SH3GL2: variants seen among roughly 807,000 people sequenced by gnomAD.
The protein encoded by SH3GL2 is SH3 domain containing GRB2 like 2, endophilin A1.
Under a neutral mutation model 46.0 loss-of-function variants are expected in SH3GL2, and 24 were observed. The observed-to-expected ratio is 0.52, with a 90% confidence interval of 0.38 to 0.73. The LOEUF is 0.73. SH3GL2 is among the 30% of genes least tolerant of loss of function. The pLI is 0.00. For synonymous variants in SH3GL2, 196 were observed against 147.1 expected (o/e 1.33, Z -2.40); for missense variants, 413 against 424.2 (o/e 0.97, Z 0.23).
chr9:17,585,912 A>G (rs1358775624), intron 1 of SH3GL2, among the ~76,000 whole-genome samples: 1 of 152,184 alleles, frequency 6.6e-6, no homozygotes, highest in Non-Finnish European at 1.5e-5. Context: ...AACCCTTCTC[A>G]GTGTTTTTGG....
At chr9:17,585,364 A>G (rs1022438319) in intron 1 of SH3GL2, among the ~76,000 whole-genome samples, 2 of 152,190 alleles carry the variant, frequency 1.3e-5, no homozygotes, top group African/African-American at 4.8e-5. Flanking sequence ...CTAAGTAGGT[A>G]AGAAGTCAGT....
intron 1 of SH3GL2, among the ~76,000 whole-genome samples, chr9:17,643,877 C>G (rs1186253951): frequency 1.3e-5 from 2 of 152,072 alleles, no homozygotes; most frequent in East Asian, 3.9e-4. Flanking sequence ...CCCTCTTTTT[C>G]TGTTGTTTGG....
At chr9:17,584,922 TGAG>T (rs1818345295) in intron 1 of SH3GL2, among the ~76,000 whole-genome samples, 1 of 152,208 alleles carries the variant, frequency 6.6e-6, no homozygotes. Flanking sequence ...TATTTTAAAT[TGAG>T]TTTATATGAA....
intron 1 of SH3GL2, among the ~76,000 whole-genome samples, chr9:17,730,109 CATTT>C (rs1822133123): frequency 6.6e-6 from 1 of 151,998 alleles, no homozygotes; most frequent in Non-Finnish European, 1.5e-5. Flanking sequence ...AATGTTTTCC[CATTT>C]GTTTGTGTCC....
intron 1 of SH3GL2, among the ~76,000 whole-genome samples, chr9:17,612,608 TTGTGTA>T (rs1208860287): frequency 1.3e-5 from 2 of 152,174 alleles, no homozygotes; most frequent in African/African-American, 4.8e-5. Context: ...TGCATTTCAC[TTGTGTA>T]TGTAATTGTG....
chr9:17,587,298 T>C (rs1180581590), intron 1 of SH3GL2, among the ~76,000 whole-genome samples: 1 of 152,188 alleles, frequency 6.6e-6, no homozygotes, highest in African/African-American at 2.4e-5. Context: ...ACAGTTATTG[T>C]CCATAACAGT....
chr9:17,645,296 A>G (rs1260606760), intron 1 of SH3GL2, among the ~76,000 whole-genome samples: 3 of 151,076 alleles, frequency 2.0e-5, no homozygotes, highest in Non-Finnish European at 4.4e-5. Flanking sequence ...CCTGAATACA[A>G]CACACCGATG....
intron 1 of SH3GL2, among the ~76,000 whole-genome samples, chr9:17,740,926 T>C (rs540279206): frequency 6.6e-6 from 1 of 152,244 alleles, no homozygotes; most frequent in South Asian, 2.1e-4. Context: ...GGCATTTTCT[T>C]TTTCACGCAA....
At chr9:17,783,861 T>A (rs907076649) in intron 3 of SH3GL2, among the ~76,000 whole-genome samples, 1 of 152,098 alleles carries the variant, frequency 6.6e-6, no homozygotes, top group East Asian at 1.9e-4. Flanking sequence ...CACATACAAC[T>A]TGGTAAAGCA....
chr9:17,581,670 A>T (rs1006758044), intron 1 of SH3GL2, among the ~76,000 whole-genome samples: 1 of 152,056 alleles, frequency 6.6e-6, no homozygotes, highest in Non-Finnish European at 1.5e-5. Context: ...GATGTGCTGG[A>T]TAATATAGCC....
chr9:17,696,446 C>T (rs900339313), intron 1 of SH3GL2, among the ~76,000 whole-genome samples: 2 of 152,096 alleles, frequency 1.3e-5, no homozygotes, highest in Non-Finnish European at 2.9e-5. Flanking sequence ...TGAAGAAATA[C>T]CTGAGATGGA....
At chr9:17,777,291 A>G (rs1309418356) in intron 3 of SH3GL2, among the ~76,000 whole-genome samples, 1 of 152,198 alleles carries the variant, frequency 6.6e-6, no homozygotes, top group Admixed American at 6.5e-5. Context: ...TGGAATATTT[A>G]TAAAGATAAA....
chr9:17,760,426 T>G, intron 2 of SH3GL2, among the ~76,000 whole-genome samples: 1 of 151,944 alleles, frequency 6.6e-6, no homozygotes. Context: ...TATATACCGG[T>G]ATATATTATA....
At chr9:17,616,280 G>A (rs1818995074) in intron 1 of SH3GL2, among the ~76,000 whole-genome samples, 1 of 152,302 alleles carries the variant, frequency 6.6e-6, no homozygotes, top group South Asian at 2.1e-4. Flanking sequence ...GATGACTTTT[G>A]TGATACACAC....
intron 1 of SH3GL2, among the ~76,000 whole-genome samples, chr9:17,644,021 G>C (rs1819747112): frequency 1.3e-5 from 2 of 152,144 alleles, no homozygotes; most frequent in South Asian, 4.1e-4. Flanking sequence ...ACTTGTTATT[G>C]GTCTGTTCAG....
chr9:17,656,486 T>C (rs1820080346), intron 1 of SH3GL2, among the ~76,000 whole-genome samples: 1 of 152,114 alleles, frequency 6.6e-6, no homozygotes, highest in Non-Finnish European at 1.5e-5. Flanking sequence ...TAATCTTGCC[T>C]GTAGTTCCTT....
chr9:17,614,114 C>A (rs1073417), intron 1 of SH3GL2, among the ~76,000 whole-genome samples: 4 of 151,864 alleles, frequency 2.6e-5, no homozygotes, highest in Non-Finnish European at 5.9e-5. Context: ...GACATGCTTT[C>A]TTCACAGATT....
chr9:17,794,021 A>G (rs997443158), intron 8 of SH3GL2, among the ~76,000 whole-genome samples: 1 of 152,244 alleles, frequency 6.6e-6, no homozygotes, highest in African/African-American at 2.4e-5. Context: ...TGATATTTTG[A>G]AACTCGACAC....
chr9:17,714,608 A>G (rs2118296859), intron 1 of SH3GL2, among the ~76,000 whole-genome samples: 1 of 151,818 alleles, frequency 6.6e-6, no homozygotes, highest in African/African-American at 2.4e-5. Context: ...GATATTTAGT[A>G]CTTCACTTAT....
Sources: allele counts gnomAD v4.1 joint callset (sites outside exome capture counted in the v4.1 genomes callset), GRCh38; gene constraint gnomAD v4.1.1; transcripts MANE v1.5; gene names NCBI Gene and HGNC (gene_info 2026-07-23, HGNC 2026-07-21).